LAMC3: variants seen among roughly 807,000 people sequenced by gnomAD.
LAMC3 encodes the protein laminin subunit gamma 3, also known as laminin subunit gamma-3.
Under a neutral mutation model 173.8 loss-of-function variants are expected in LAMC3, and 128 were observed. The observed-to-expected ratio is 0.74, with a 90% confidence interval of 0.64 to 0.85. The LOEUF is 0.85. LAMC3 is among the 40% of genes least tolerant of loss of function. LAMC3 has a pLI of 0.00. For missense variants in LAMC3, 2,022 were observed against 2,156.0 expected (o/e 0.94, Z 1.23); for synonymous variants, 897 against 909.1 (o/e 0.99, Z 0.24).
At chr9:131,074,240 G>C (rs991324875) in intron 20 of LAMC3, among the ~76,000 whole-genome samples, 1 of 151,402 alleles carries the variant, frequency 6.6e-6, no homozygotes, top group African/African-American at 2.4e-5. Flanking sequence ...GAGCCACCGC[G>C]CCCGGCCAGC....
chr9:131,024,150 C>CTTTTT lies in LAMC3; in HGVS notation c.374-2123_374-2119dup, dbSNP rs34368388. 1.1e-4 allele frequency among the ~76,000 whole-genome samples: 15 copies of CTTTTT among 131,496 alleles called. 2 individuals are homozygous for CTTTTT. Among genetic ancestry groups the CTTTTT allele is most frequent in the African/African-American group, 3.5e-4 (12 of 34,602 alleles). 86.3% of individuals were successfully genotyped at this position (131,496 alleles called of 152,430 possible). On this transcript the variant is annotated intron_variant, in intron 1 of 27. Coordinates refer to ENST00000361069, the MANE Select transcript of LAMC3 (RefSeq NM_006059.4). ...TTTTCTTCTAAGAAAGAAGTTTTAG[C>CTTTTT]TTTTTTTTTTTTTTTTAGACAGTCT...
intron 12 of LAMC3, among the ~76,000 whole-genome samples, chr9:131,059,837 G>A (rs762858322): frequency 1.3e-5 from 2 of 152,270 alleles, no homozygotes; most frequent in African/African-American, 2.4e-5. Context: ...GCCTATGGGT[G>A]CTGGGCCTAG....
At chr9:131,072,055 G>A (rs1830045780) in intron 18 of LAMC3, among the ~76,000 whole-genome samples, 1 of 147,190 alleles carries the variant, frequency 6.8e-6, no homozygotes, top group Admixed American at 6.7e-5. Flanking sequence ...AGCACTTTGG[G>A]AGCCAAGACA....
intron 1 of LAMC3, chr9:131,021,288 G>GGA (rs1833619420): frequency 6.6e-6 from 1 of 152,106 alleles, no homozygotes; most frequent in South Asian, 2.1e-4. Context: ...ACTGCTCTGG[G>GGA]GCTGTCAAAT....
intron 11 of LAMC3, among the ~76,000 whole-genome samples, chr9:131,055,895 C>T (rs892793873): frequency 2.6e-5 from 4 of 152,158 alleles, no homozygotes; most frequent in African/African-American, 9.7e-5. Flanking sequence ...CTCAAAATCT[C>T]CTATAACACT....
rs9411514 is a variant in LAMC3, at chr9:131,029,980, G to A, written c.679-2065G>A. The stretch of plus-strand genomic sequence containing the variant: ...TTTTTTGAGACAGTTTCGCTCTGTC[G>A]CCCAGGCTGGAGTGCAGTGGCACGA... On this transcript the variant is annotated intron_variant, in intron 2 of 27. Transcript: ENST00000361069. This position sits in a 1 kb window ranked among gnomAD's most constrained non-coding sequence, Gnocchi z 4.6. Among the ~76,000 whole-genome samples, 4 of 147,474 alleles carry A rather than the reference G, an allele frequency of 2.7e-5. No individual in the cohort carries two copies. Among genetic ancestry groups the A allele is most frequent in the East Asian group, 2.0e-4 (1 of 5,044 alleles).
chr9:131,031,993 A>G, intron 2 of LAMC3, 52 bp from the exon 3 acceptor site: 1 of 1,612,458 alleles, frequency 6.2e-7, no homozygotes, highest in East Asian at 2.2e-5. Context: ...GATGGGGGTA[A>G]ATACTAAATA....
Position 131,075,980 on chromosome 9 carries a change from G to T in LAMC3, c.3629+15G>T. ...CTGGAGGACAGGTGAGGCCTCCCCA[G>T]GTGTGGGTAGAAACTTTGGGGTTGG... is the stretch of plus-strand genomic sequence containing the variant. On this transcript the variant is annotated intron_variant, in intron 21 of 27. Coordinates refer to ENST00000361069, the MANE Select transcript of LAMC3 (RefSeq NM_006059.4). 1 of 1,596,018 alleles carries T rather than the reference G, an allele frequency of 6.3e-7. No homozygotes were observed. The highest frequency in any genetic ancestry group is 8.6e-7 in the Non-Finnish European group (1 of 1,169,562).
intron 8 of LAMC3, among the ~76,000 whole-genome samples, chr9:131,048,160 G>A (rs946395497): frequency 6.8e-6 from 1 of 147,714 alleles, no homozygotes; most frequent in African/African-American, 2.5e-5. Flanking sequence ...GGGTTCAGGC[G>A]ATTCTCCTGC....
intron 13 of LAMC3, among the ~76,000 whole-genome samples, chr9:131,064,062 C>G (rs1334977289): frequency 6.6e-6 from 1 of 152,142 alleles, no homozygotes; most frequent in Non-Finnish European, 1.5e-5. Context: ...CATGCACCAC[C>G]ATGCCCGGCT....
chr9:131,092,214 C>T lies in LAMC3; in HGVS notation c.*427C>T. 4.3e-6 allele frequency: 1 copy of T among 232,414 alleles called. No individual in the cohort carries two copies. 14.4% of individuals were successfully genotyped at this position (232,414 alleles called of 1,614,324 possible). A position where few individuals can be genotyped will look rare whatever the true frequency, so the allele number is the denominator to read the frequency against. ...CCTCTGGATGTTGGGCAAGTTGTTA[C>T]ATGAGATGCCCTGGGGTGCTACATC... On this transcript the variant is annotated 3_prime_UTR_variant, in exon 28 of 28. Coordinates refer to ENST00000361069, the MANE Select transcript of LAMC3 (RefSeq NM_006059.4).
In LAMC3 at chr9:131,067,220, C is replaced by T. The variant is rs752800864; in HGVS notation, c.2593+15C>T. ...CAAATGCATGCGTGAGTACCTACCTCCAGACCCCAGGGTGGCACATGGTGG... is the reference window on the plus strand; with the variant it reads ...CAAATGCATGCGTGAGTACCTACCTTCAGACCCCAGGGTGGCACATGGTGG... On this transcript the variant is annotated intron_variant, in intron 14 of 27. Coordinates refer to ENST00000361069, the MANE Select transcript of LAMC3 (RefSeq NM_006059.4). The T allele has an allele frequency of 1.2e-6, 2 of 1,612,528 alleles. No individual in the cohort carries two copies. The highest frequency in any genetic ancestry group is 1.1e-5 in the South Asian group (1 of 91,038).
chr9:131,067,172 G>A lies in LAMC3; in HGVS notation c.2560G>A (p.Ala854Thr), dbSNP rs769637756. ...CTGTCAGGAAGGCTTCTACGGGAGC[G>A]CCCTGGCCCCTCGACCCGCAGACAA... ...EHCQEGFYGS[A>T]LAPRPADKCM... is the part of the protein sequence containing the mutation. The change falls in exon 14 of 28, where the codon GCC becomes ACC. Residue 854 changes from alanine to threonine, a missense_variant. By Grantham distance (58) the Ala-to-Thr change is moderately conservative. Coordinates refer to ENST00000361069, the MANE Select transcript of LAMC3 (RefSeq NM_006059.4). 3.6e-5 allele frequency: 58 copies of A among 1,613,914 alleles called. No individual in the cohort carries two copies. The South Asian group carries it at 4.2e-4, about 12-fold the overall frequency.
In LAMC3 at chr9:131,026,404, G is replaced by A. The variant is rs367598489; in HGVS notation, c.493G>A (p.Ala165Thr). 55 of 1,613,972 alleles carry A rather than the reference G, an allele frequency of 3.4e-5. No individual in the cohort carries two copies. Among genetic ancestry groups the A allele is most frequent in the Non-Finnish European group, 4.5e-5 (53 of 1,180,038 alleles). The change falls in exon 2 of 28, where the codon GCC becomes ACC. Residue 165 changes from alanine (A) to threonine (T), a missense_variant. Physicochemically the swap from Ala to Thr is moderately conservative, Grantham distance 58. Coordinates refer to ENST00000361069, the MANE Select transcript of LAMC3 (RefSeq NM_006059.4). The surrounding 1 kb of genome is among the most constrained non-coding windows in gnomAD (Gnocchi z 4.8). Reference protein sequence around the residue: ...GPWEPYQFYSASCQKTYGRPE... With the variant: ...GPWEPYQFYSTSCQKTYGRPE... The stretch of plus-strand genomic sequence containing the variant: ...ATGGGAGCCCTACCAGTTCTACAGC[G>A]CCTCCTGCCAGAAGACCTACGGCCG...
At chr9:131,088,655 G>A (rs959008108) in intron 27 of LAMC3, among the ~76,000 whole-genome samples, 2 of 152,078 alleles carry the variant, frequency 1.3e-5, no homozygotes, top group Non-Finnish European at 2.9e-5. Flanking sequence ...ATTGTTGTGC[G>A]ATCATCACCA....
Position 131,069,767 on chromosome 9 carries a change from C to A in LAMC3, c.2986C>A (p.Arg996Ser). The A allele has an allele frequency of 6.3e-7, 1 of 1,596,168 alleles. No individual in the cohort carries two copies. Among genetic ancestry groups the A allele is most frequent in the Non-Finnish European group, 8.5e-7 (1 of 1,171,772 alleles). The change falls in exon 17 of 28, where the codon CGC becomes AGC. Residue 996 changes from arginine (R) to serine (S), a missense_variant. Transcript: ENST00000361069. ...RPGFEGYKCD[R>S]CHDNFFLTAD... ...TGGCTTCGAGGGCTACAAATGTGAC[C>A]GCTGCCACGACAACTTCTTCCTCAC...
At chr9:131,081,263 A>G (rs1399128760) in intron 23 of LAMC3, among the ~76,000 whole-genome samples, 2 of 152,182 alleles carry the variant, frequency 1.3e-5, no homozygotes, top group African/African-American at 4.8e-5. Context: ...GTCATATTCC[A>G]GTGTGTGGAT....
At position 131,039,015 on chromosome 9, in the gene LAMC3, G is replaced by A. The variant is rs546900540; in HGVS notation, c.1128G>A (p.Pro376=). ...AGGAGAATTTCTATCACTGGGACCCGCGGATGCCATGCCAGCCCTGTGACT... is the reference window on the plus strand; with the variant it reads ...AGGAGAATTTCTATCACTGGGACCCACGGATGCCATGCCAGCCCTGTGACT... ...RCQENFYHWD[P]RMPCQPCDCQ... is the part of the protein sequence containing the mutation. Residue 376 remains proline (P), a synonymous_variant, in exon 5 of 28, where the codon CCG becomes CCA. Transcript: ENST00000361069. 8.7e-6 allele frequency: 14 copies of A among 1,613,540 alleles called. No homozygotes were observed. Among genetic ancestry groups the A allele is most frequent in the Non-Finnish European group, 1.0e-5 (12 of 1,179,982 alleles).
In LAMC3 at chr9:131,032,040, C is replaced by A. The variant is rs773649632; in HGVS notation, c.679-5C>A. 8 of 1,614,082 alleles carry A rather than the reference C, an allele frequency of 5.0e-6. No homozygotes were observed. In the Admixed American group the frequency reaches 5.0e-5, roughly 10 times the overall value. On this transcript the variant is annotated splice_polypyrimidine_tract_variant and splice_region_variant and intron_variant, in intron 2 of 27. Transcript: ENST00000361069. ...GCTGATGGCACCCTCTCCCCTCTGC[C>A]CCAGGAGTGGGTCACCAGCACCGAA...
Sources: gnomAD v4.1 joint callset for allele counts (sites outside exome capture counted in the v4.1 genomes callset) on GRCh38, gnomAD v4.1.1 for gene constraint, Gnocchi (gnomAD v3.1) non-coding constraint, MANE v1.5 for transcripts, NCBI Gene and HGNC (gene_info 2026-07-23, HGNC 2026-07-21) for gene names.